GPR161: variants seen among roughly 807,000 people sequenced by gnomAD.
The protein encoded by GPR161 is G protein-coupled receptor 161.
In GPR161, 25 loss-of-function variants were observed where a neutral mutation model predicts 39.2. That is an observed-to-expected ratio of 0.64 (90% CI 0.47 to 0.89). The LOEUF is 0.89. GPR161 is among the 40% of genes least tolerant of loss of function. GPR161 has a pLI of 0.00. For missense variants in GPR161, 547 were observed against 677.8 expected, an observed-to-expected ratio of 0.81 and a Z score of 2.14; for synonymous variants, 286 against 276.6, an observed-to-expected ratio of 1.03 and a Z score of -0.34.
At chr1:168,131,455 A>C (rs1341989956) in intron 1 of GPR161, among the ~76,000 whole-genome samples, 1 of 151,946 alleles carries the variant, frequency 6.6e-6, no homozygotes, top group Non-Finnish European at 1.5e-5. Flanking sequence ...CTCCTCACCC[A>C]CCTGGAGAAG....
Position 168,084,014 on chromosome 1 carries a change from G to T in GPR161, c.*1517C>A, listed in dbSNP as rs1004386201. ...TATTTAGTCATGATGCAGGCCAAGGGCAGACGCAAGAGGAGATCAGTGGCT... is the reference window on the plus strand; with the variant it reads ...TATTTAGTCATGATGCAGGCCAAGGTCAGACGCAAGAGGAGATCAGTGGCT... On this transcript the variant is annotated 3_prime_UTR_variant, in exon 6 of 6. Transcript: ENST00000682931. 3.3e-5 allele frequency: 5 copies of T among 152,480 alleles called. No homozygotes were observed. Among genetic ancestry groups the T allele is most frequent in the Admixed American group, 2.6e-4 (4 of 15,314 alleles). 9.4% of individuals were successfully genotyped at this position (152,480 alleles called of 1,614,324 possible).
chr1:168,137,493 C>CGGGGAGT (rs1347886262), upstream of GPR161: 11 of 1,132,838 alleles, frequency 9.7e-6, no homozygotes, highest in Middle Eastern at 5.8e-4. Context: ...AAGCCAGCCC[C>CGGGGAGT]GGGGAGTGGG....
chr1:168,134,966 A>C (rs974353155), intron 1 of GPR161: 8 of 1,535,558 alleles, frequency 5.2e-6, no homozygotes, highest in African/African-American at 1.4e-5. Flanking sequence ...CTCGGAACCC[A>C]AACAGAGAGC....
intron 4 of GPR161, chr1:168,088,604 G>A (rs886589412): frequency 2.6e-5 from 4 of 152,202 alleles, no homozygotes; most frequent in East Asian, 1.9e-4. Flanking sequence ...ATCTTTCCAC[G>A]TCTGTAAACC....
intron 3 of GPR161, 47 bp from the exon 4 acceptor site, chr1:168,090,715 A>C: frequency 8.9e-7 from 1 of 1,127,120 alleles, no homozygotes; most frequent in South Asian, 1.4e-5. Context: ...CTCTGCAAGG[A>C]GGGGCCCCAG....
intron 2 of GPR161, among the ~76,000 whole-genome samples, chr1:168,100,450 G>C (rs745602296): frequency 3.9e-5 from 6 of 152,216 alleles, no homozygotes; most frequent in Admixed American, 2.6e-4. Flanking sequence ...TAACTGTCTT[G>C]AGGCTCTCAA....
At chr1:168,090,222 C>T (rs1694919721) in intron 4 of GPR161, among the ~76,000 whole-genome samples, 1 of 152,200 alleles carries the variant, frequency 6.6e-6, no homozygotes, top group African/African-American at 2.4e-5. Context: ...ACCAGGCAGG[C>T]TGACTGCAAG....
chr1:168,100,692 C>T (rs1472966970), intron 2 of GPR161, among the ~76,000 whole-genome samples: 2 of 152,210 alleles, frequency 1.3e-5, no homozygotes, highest in Non-Finnish European at 2.9e-5. Context: ...AAAGGGGCAA[C>T]ACATTAACTT....
At chr1:168,109,879 T>C (rs571114317) in intron 1 of GPR161, among the ~76,000 whole-genome samples, 9 of 151,838 alleles carry the variant, frequency 5.9e-5, no homozygotes, top group Admixed American at 2.6e-4. Context: ...AGGCGGAGAA[T>C]TGCTTGAACC....
chr1:168,106,495 T>C (rs1388967800), intron 1 of GPR161, among the ~76,000 whole-genome samples: 1 of 152,170 alleles, frequency 6.6e-6, no homozygotes, highest in Non-Finnish European at 1.5e-5. Context: ...CGGGCTGAGG[T>C]GGGAGGACCC....
At chr1:168,100,882 T>C (rs961124381) in intron 2 of GPR161, among the ~76,000 whole-genome samples, 3 of 152,208 alleles carry the variant, frequency 2.0e-5, no homozygotes, top group Admixed American at 2.0e-4. Flanking sequence ...TTGGCAGCGA[T>C]GATAGAGGTG....
At chr1:168,137,423 C>T, upstream of GPR161, 1 of 1,527,502 alleles carries the variant, frequency 6.5e-7, no homozygotes. Flanking sequence ...CACGAGCATC[C>T]ATCTGCCTTC....
intron 1 of GPR161, chr1:168,133,733 C>T: frequency 6.4e-6 from 1 of 157,440 alleles, no homozygotes; most frequent in Non-Finnish European, 1.4e-5. Flanking sequence ...GTAACTGGGA[C>T]TACAGGTGTG....
chr1:168,137,461 A>G (rs1699471019), upstream of GPR161: 1 of 1,439,580 alleles, frequency 6.9e-7, no homozygotes, highest in African/African-American at 1.4e-5. Flanking sequence ...GGCTCTGTTA[A>G]TACCACAGTG....
chr1:168,130,906 G>A (rs1003938170), intron 1 of GPR161, among the ~76,000 whole-genome samples: 1 of 152,102 alleles, frequency 6.6e-6, no homozygotes, highest in African/African-American at 2.4e-5. Flanking sequence ...AAGAAGCCTA[G>A]GACATCCTAG....
chr1:168,136,308 T>C, intron 1 of GPR161: 2 of 1,481,558 alleles, frequency 1.3e-6, no homozygotes, highest in East Asian at 2.8e-5. Context: ...CCCCACACCC[T>C]TTGCCCTGAG....
Position 168,085,384 on chromosome 1 carries a change from TG to T in GPR161, c.*146del. 1.4e-6 allele frequency: 1 copy of T among 696,676 alleles called. No homozygotes were observed. The allele number at this position is 696,676 out of a possible 1,614,324, so 43.2% of individuals were successfully genotyped here. A position where few individuals can be genotyped will look rare whatever the true frequency, so the allele number is the denominator to read the frequency against. ...TAGACATTATTTTCAGTCCTTGTCC[TG>T]GTGGCTGCATACCAGATGCTGCTCC... is the stretch of plus-strand genomic sequence containing the variant. On this transcript the variant is annotated 3_prime_UTR_variant, in exon 6 of 6. Coordinates refer to ENST00000682931, the MANE Select transcript of GPR161 (RefSeq NM_001375883.1).
chr1:168,128,193 A>G (rs965146159), intron 1 of GPR161, among the ~76,000 whole-genome samples: 4 of 152,326 alleles, frequency 2.6e-5, no homozygotes, highest in South Asian at 2.1e-4. Flanking sequence ...AGCTGAAATG[A>G]TATCAGTGAA....
chr1:168,124,389 T>G (rs1698436877), intron 1 of GPR161, among the ~76,000 whole-genome samples: 1 of 152,210 alleles, frequency 6.6e-6, no homozygotes, highest in Non-Finnish European at 1.5e-5. Flanking sequence ...TCTTTAAGCC[T>G]TTAAGCAAAA....
Sources: allele counts gnomAD v4.1 joint callset (sites outside exome capture counted in the v4.1 genomes callset), GRCh38; gene constraint gnomAD v4.1.1; transcripts MANE v1.5; gene names NCBI Gene and HGNC (gene_info 2026-07-23, HGNC 2026-07-21).